LGMN: variants seen among roughly 807,000 people sequenced by gnomAD.
LGMN encodes the protein legumain.
LGMN carries 36 observed loss-of-function variants against 56.8 expected under a neutral mutation model. That is an observed-to-expected ratio of 0.63 (90% CI 0.49 to 0.84). The LOEUF is 0.84. Ranked by LOEUF, LGMN falls within the 40% of genes least tolerant of loss-of-function variation. LGMN has a pLI of 0.00. For synonymous variants in LGMN, 199 were observed against 210.1 expected, an observed-to-expected ratio of 0.95 and a Z score of 0.46; for missense variants, 446 against 556.1, an observed-to-expected ratio of 0.80 and a Z score of 1.99.
rs2140200094 is a variant in LGMN, at chr14:92,706,358, A to G, written c.1191+125T>C. 4 of 764,448 alleles carry G rather than the reference A, an allele frequency of 5.2e-6. No individual in the cohort carries two copies. The South Asian group carries it at 1.3e-4, about 25-fold the overall frequency. The allele number at this position is 764,448 out of a possible 1,614,324, so 47.4% of individuals were successfully genotyped here. On this transcript the variant is annotated intron_variant, in intron 12 of 13. Coordinates refer to ENST00000334869, the MANE Select transcript of LGMN (RefSeq NM_005606.7). ...TTTGGACAACCTTCTTCCTCTCTGA[A>G]ATGAGCCCACTGTTTCTCAGCCTGG... is the stretch of plus-strand genomic sequence containing the variant.
At chr14:92,747,529 C>T (rs560240809) in intron 1 of LGMN, among the ~76,000 whole-genome samples, 13 of 152,278 alleles carry the variant, frequency 8.5e-5, no homozygotes, top group African/African-American at 3.1e-4. Context: ...AACACATAAA[C>T]TCCACTCAAG....
At chr14:92,719,254 A>ACCG (rs1890281222) in intron 2 of LGMN, among the ~76,000 whole-genome samples, 2 of 30,628 alleles carry the variant, frequency 6.5e-5, no homozygotes, top group Non-Finnish European at 1.9e-4. Flanking sequence ...CGCCACCACC[A>ACCG]CCACCGCCAC....
chr14:92,739,389 A>G (rs965436162), intron 1 of LGMN, among the ~76,000 whole-genome samples: 1 of 151,994 alleles, frequency 6.6e-6, no homozygotes, highest in African/African-American at 2.4e-5. Flanking sequence ...GCCTCATCTC[A>G]CAGAGGCATC....
intron 11 of LGMN, among the ~76,000 whole-genome samples, chr14:92,708,015 G>C (rs1889532352): frequency 6.6e-6 from 1 of 152,102 alleles, no homozygotes; most frequent in Non-Finnish European, 1.5e-5. Flanking sequence ...GCCAGGCGTG[G>C]TGACGGGTGC....
chr14:92,731,489 T>C (rs1399005428), intron 2 of LGMN, among the ~76,000 whole-genome samples: 1 of 152,216 alleles, frequency 6.6e-6, no homozygotes, highest in African/African-American at 2.4e-5. Context: ...CCTTGGCAAC[T>C]ACTAACCTAC....
rs111848264 is a variant in LGMN at position 92,718,175 on chromosome 14, C to T, written c.236+572G>A. On this transcript the variant is annotated intron_variant, in intron 3 of 13. Transcript: ENST00000334869. Reference sequence around the variant, plus strand: ...CAAGCACCATAGAATCCAACAAGTCCTCGAAGGTGAGGAGGAACTCGGCTT... The same window carrying T: ...CAAGCACCATAGAATCCAACAAGTCTTCGAAGGTGAGGAGGAACTCGGCTT... Among the ~76,000 whole-genome samples the T allele has an allele frequency of 2.4e-3, 370 of 152,272 alleles. 3 individuals carry two copies. The highest frequency in any genetic ancestry group is 8.6e-3 in the African/African-American group (357 of 41,542).
At chr14:92,707,294 C>G (rs939700959) in intron 11 of LGMN, among the ~76,000 whole-genome samples, 4 of 152,084 alleles carry the variant, frequency 2.6e-5, no homozygotes, top group African/African-American at 9.7e-5. Flanking sequence ...TCTGTCCTAC[C>G]CGCTCTCCAG....
intron 2 of LGMN, among the ~76,000 whole-genome samples, chr14:92,722,659 T>C (rs760061627): frequency 6.6e-6 from 1 of 152,096 alleles, no homozygotes; most frequent in Non-Finnish European, 1.5e-5. Flanking sequence ...AAAGACATTA[T>C]TAAAAAAATG....
rs112820977 is a variant in LGMN, at chr14:92,714,204, G to C, written c.480+172C>G. Among the ~76,000 whole-genome samples the C allele has an allele frequency of 7.3e-4, 111 of 152,330 alleles. No homozygotes were observed. Among genetic ancestry groups the C allele is most frequent in the African/African-American group, 2.4e-3 (100 of 41,572 alleles). ...AAAGCAGGGAAAACTGTCTGGAAGAGATGTCCTTGGATAGATTTCAAGCTG... is the reference window on the plus strand; with the variant it reads ...AAAGCAGGGAAAACTGTCTGGAAGACATGTCCTTGGATAGATTTCAAGCTG... On this transcript the variant is annotated intron_variant, in intron 6 of 13. Coordinates refer to ENST00000334869, the MANE Select transcript of LGMN (RefSeq NM_005606.7). This position sits in a 1 kb window ranked among gnomAD's most constrained non-coding sequence, Gnocchi z 5.1.
chr14:92,710,502 G>C (rs533704983), intron 10 of LGMN, among the ~76,000 whole-genome samples: 2 of 152,346 alleles, frequency 1.3e-5, no homozygotes, highest in South Asian at 4.1e-4. Context: ...GGCCAGGCTC[G>C]ATTTGGCTGT....
chr14:92,712,225 G>A (rs1889820394), intron 8 of LGMN, among the ~76,000 whole-genome samples: 1 of 152,170 alleles, frequency 6.6e-6, no homozygotes, highest in African/African-American at 2.4e-5. Context: ...ATGCTATTCT[G>A]GAAGAATGCT....
intron 1 of LGMN, among the ~76,000 whole-genome samples, chr14:92,739,988 C>T (rs1273714449): frequency 7.9e-5 from 12 of 152,130 alleles, no homozygotes; most frequent in Non-Finnish European, 1.3e-4. Context: ...CGGTGGCTCA[C>T]GCCTGTAATC....
rs192896559 is a variant in LGMN, at chr14:92,708,043, C to T, written c.1021-1390G>A. 8.9e-4 allele frequency among the ~76,000 whole-genome samples: 135 copies of T among 151,486 alleles called. 1 individual carries two copies. Among genetic ancestry groups the T allele is most frequent in the Admixed American group, 6.3e-3 (95 of 15,172 alleles). ...ACGGGTGCCTGTAATCCCAGCTACT[C>T]GGGAGGCTGAGGCAGGAGAATCGCT... On this transcript the variant is annotated intron_variant, in intron 11 of 13. Transcript: ENST00000334869.
intron 4 of LGMN, 119 bp from the exon 5 acceptor site, chr14:92,716,340 C>G: frequency 1.3e-6 from 1 of 780,132 alleles, no homozygotes; most frequent in Admixed American, 1.8e-5. Context: ...GGCTTAACAG[C>G]AAACACTTTT....
chr14:92,736,979 G>A (rs770833144), intron 1 of LGMN, among the ~76,000 whole-genome samples: 3 of 152,206 alleles, frequency 2.0e-5, no homozygotes, highest in Non-Finnish European at 2.9e-5. Flanking sequence ...AGGTGTGACA[G>A]TCACTACCAA....
At chr14:92,716,368 C>G in intron 4 of LGMN, 147 bp from the exon 5 acceptor site, 2 of 669,428 alleles carry the variant, frequency 3.0e-6, no homozygotes, top group South Asian at 3.1e-5. Flanking sequence ...TGCCGTGGCT[C>G]ACGCCTGTAA....
chr14:92,706,442 A>C, intron 12 of LGMN, 41 bp downstream of exon 12: 1 of 1,440,902 alleles, frequency 6.9e-7, no homozygotes, highest in East Asian at 2.4e-5. Context: ...ATATGAATTC[A>C]GCTTCTGGAT....
rs1490030328 is a variant in LGMN, at chr14:92,714,402, C to T, written c.454G>A (p.Gly152Arg). The change falls in exon 6 of 14, where the codon GGA (glycine) becomes AGA (arginine). Residue 152 changes from glycine to arginine, a missense_variant. By Grantham distance (125) the Gly-to-Arg change is moderately radical. Transcript: ENST00000334869. The surrounding 1 kb of genome is among the most constrained non-coding windows in gnomAD (Gnocchi z 5.1). ...TCTTCATTGGGAAAAACCAGTATTC[C>T]AGTAGATCCATGGTCAGTGAAGTAA... ...FIYFTDHGST[G>R]ILVFPNEDLH... The T allele has an allele frequency of 6.2e-7, 1 of 1,611,622 alleles. No homozygotes were observed. The highest frequency in any genetic ancestry group is 8.5e-7 in the Non-Finnish European group (1 of 1,177,886).
chr14:92,712,785 C>T lies in LGMN; in HGVS notation c.610+20G>A. ...ACCTGCTTGCCAGCCCAGGTCGAGGCCGGCGCCCCAACCACCTACCATTGA... is the reference window on the plus strand; with the variant it reads ...ACCTGCTTGCCAGCCCAGGTCGAGGTCGGCGCCCCAACCACCTACCATTGA... On this transcript the variant is annotated intron_variant, in intron 8 of 13. Coordinates refer to ENST00000334869, the MANE Select transcript of LGMN (RefSeq NM_005606.7). 1.9e-6 allele frequency: 3 copies of T among 1,612,222 alleles called. No individual in the cohort carries two copies. The highest frequency in any genetic ancestry group is 2.5e-6 in the Non-Finnish European group (3 of 1,179,256).
Sources: allele counts gnomAD v4.1 joint callset (sites outside exome capture counted in the v4.1 genomes callset), GRCh38; gene constraint gnomAD v4.1.1; non-coding constraint Gnocchi (gnomAD v3.1); transcripts MANE v1.5; gene names NCBI Gene and HGNC (gene_info 2026-07-23, HGNC 2026-07-21).